Variants in UMODL1 observed in about 807,000 individuals in gnomAD.
The protein encoded by UMODL1 is uromodulin-like 1.
UMODL1 carries 128 observed loss-of-function variants against 136.3 expected under a neutral mutation model. The observed-to-expected ratio is 0.94, with a 90% CI of 0.81 to 1.09. The LOEUF is 1.09. Among genes scored for constraint, UMODL1 ranks in the 50% least tolerant of loss-of-function variants. The pLI is 0.00. For missense variants in UMODL1, 1,766 were observed against 1,725.6 expected (o/e 1.02, Z -0.41); for synonymous variants, 721 against 720.0 (o/e 1.00, Z -0.02).
intron 2 of UMODL1, among the ~76,000 whole-genome samples, chr21:42,077,933 G>T (rs220291): frequency 0.71 from 108,058 of 152,106 alleles, 39,188 homozygotes; most frequent in African/African-American, 0.83. Context: ...TAGACCTGCA[G>T]GCTGGGCCAT....
chr21:42,126,940 G>A, intron 18 of UMODL1, 66 bp from the exon 19 acceptor site: 1 of 1,290,642 alleles, frequency 7.7e-7, no homozygotes, highest in Non-Finnish European at 1.1e-6. Context: ...GGAGAAGTGG[G>A]AATGGGAGGG....
chr21:42,106,098 C>T (rs370220267), intron 9 of UMODL1, among the ~76,000 whole-genome samples: 4 of 152,152 alleles, frequency 2.6e-5, no homozygotes, highest in Non-Finnish European at 4.4e-5. Context: ...GTGATGGTGA[C>T]GCCTCAGGCC....
chr21:42,132,386 TCATC>T (rs552659405), intron 21 of UMODL1, among the ~76,000 whole-genome samples: 1 of 151,682 alleles, frequency 6.6e-6, no homozygotes, highest in Non-Finnish European at 1.5e-5. Context: ...CAACCATCCA[TCATC>T]CATCCATCCA....
At chr21:42,065,440 G>C (rs190288346) in intron 1 of UMODL1, among the ~76,000 whole-genome samples, 1 of 152,166 alleles carries the variant, frequency 6.6e-6, no homozygotes, top group East Asian at 1.9e-4. Flanking sequence ...GTCACGAAAT[G>C]CTGGTGCAGG....
At chr21:42,068,796 CTGTA>C (rs1269448650), upstream of UMODL1, among the ~76,000 whole-genome samples, 1 of 152,044 alleles carries the variant, frequency 6.6e-6, no homozygotes, top group African/African-American at 2.4e-5. This position sits in a 1 kb window ranked among gnomAD's most constrained non-coding sequence, Gnocchi z 5.5. Flanking sequence ...GTGAGTGTGT[CTGTA>C]TGTGTCGGTG....
intron 1 of UMODL1, among the ~76,000 whole-genome samples, chr21:42,072,998 C>T (rs1408857996): frequency 6.9e-6 from 1 of 145,978 alleles, no homozygotes; most frequent in Non-Finnish European, 1.5e-5. Context: ...CCGGGTTCCA[C>T]AGGAGATGAG....
At position 42,072,441 on chromosome 21, in the gene UMODL1, T is replaced by C. The variant is rs1024734538; in HGVS notation, c.76+1049T>C. Among the ~76,000 whole-genome samples the C allele has an allele frequency of 3.3e-5, 5 of 152,340 alleles. No homozygotes were observed. The South Asian group carries it at 6.2e-4, about 19-fold the overall frequency. ...GTGATTTGTGAAATGGATTTTCCCA[T>C]TGGAACAGGTAATGTGTAGACCCCA... is the stretch of plus-strand genomic sequence containing the variant. On this transcript the variant is annotated intron_variant, in intron 1 of 22. Coordinates refer to ENST00000408910, the MANE Select transcript of UMODL1 (RefSeq NM_001004416.3).
chr21:42,114,490 C>A (rs1194314070), intron 13 of UMODL1, among the ~76,000 whole-genome samples: 1 of 152,164 alleles, frequency 6.6e-6, no homozygotes, highest in African/African-American at 2.4e-5. Flanking sequence ...GCTTCCCAAG[C>A]GTTGATAGCA....
Position 42,126,590 on chromosome 21 carries a change from T to G in UMODL1, c.3293+100T>G, listed in dbSNP as rs971772820. On this transcript the variant is annotated intron_variant, in intron 18 of 22. Coordinates refer to ENST00000408910, the MANE Select transcript of UMODL1 (RefSeq NM_001004416.3). Reference sequence around the variant, plus strand: ...TGTCAACCACTTAAGGACCCTTCCTTGAGATGGAATATACAAATGGGTGTG... The same window carrying G: ...TGTCAACCACTTAAGGACCCTTCCTGGAGATGGAATATACAAATGGGTGTG... 4 of 1,541,572 alleles carry G rather than the reference T, an allele frequency of 2.6e-6. No homozygotes were observed. In the African/African-American group the frequency reaches 5.5e-5, roughly 21 times the overall value.
rs375464616 is a variant in UMODL1 at position 42,113,706 on chromosome 21, C to T, written c.2238C>T (p.Val746=). The T allele has an allele frequency of 1.2e-6, 2 of 1,614,086 alleles. No homozygotes were observed. The highest frequency in any genetic ancestry group is 8.5e-7 in the Non-Finnish European group (1 of 1,180,034). The change falls in exon 13 of 23, where the codon GTC becomes GTT. Residue 746 remains valine (V), a synonymous_variant. Coordinates refer to ENST00000408910, the MANE Select transcript of UMODL1 (RefSeq NM_001004416.3). ...CTTCCATGTGGAGCCCTGCTGTGGT[C>T]CTAGAGACCTGGAACACGAGTGTGA... ...TLTSMWSPAV[V]LETWNTSVTL...
rs2066595484 is a variant in UMODL1, at chr21:42,099,113, GT to G, written c.1120del (p.Tyr374ThrfsTer3). ...AVAGLEAGVL[Y>X]RVKTSYQGCG... ...TGGCTGGGCTGGAGGCTGGAGTGCT[GT>G]ACAGGGTGAAGACCAGCTACCAGGG... On this transcript the variant is annotated frameshift_variant, in exon 7 of 23. Coordinates refer to ENST00000408910, the MANE Select transcript of UMODL1 (RefSeq NM_001004416.3). LOFTEE classifies it high-confidence loss of function. The surrounding 1 kb of genome is among the most constrained non-coding windows in gnomAD (Gnocchi z 4.1). The G allele has an allele frequency of 6.2e-7, 1 of 1,614,088 alleles. No individual in the cohort carries two copies. The highest frequency in any genetic ancestry group is 8.5e-7 in the Non-Finnish European group (1 of 1,180,032).
intron 11 of UMODL1, 26 bp from the exon 12 acceptor site, chr21:42,111,480 A>T: frequency 6.2e-7 from 1 of 1,613,874 alleles, no homozygotes; most frequent in Non-Finnish European, 8.5e-7. Context: ...GGGGCCACAG[A>T]TGGCCCACTG....
At chr21:42,086,767 A>G in intron 4 of UMODL1, 2 of 394,598 alleles carry the variant, frequency 5.1e-6, no homozygotes, top group Admixed American at 2.8e-5. Context: ...GGAGTTAAAG[A>G]CCAGCCTGGC....
In UMODL1 at chr21:42,101,158, C is replaced by T. The variant is rs1314934663; in HGVS notation, c.1187-1008C>T. On this transcript the variant is annotated intron_variant, in intron 7 of 22. Coordinates refer to ENST00000408910, the MANE Select transcript of UMODL1 (RefSeq NM_001004416.3). ...TTGCTTTAAAGGCCTTGTCTAATTC[C>T]ACCTTGTCATGAGCCTGTGACACCG... Among the ~76,000 whole-genome samples the T allele has an allele frequency of 3.3e-5, 5 of 151,672 alleles. No individual in the cohort carries two copies. In the East Asian group the frequency reaches 7.8e-4, roughly 24 times the overall value.
At chr21:42,107,224 G>T (rs938419836) in intron 9 of UMODL1, among the ~76,000 whole-genome samples, 3 of 152,176 alleles carry the variant, frequency 2.0e-5, no homozygotes, top group African/African-American at 7.2e-5. Context: ...GTCATCACTG[G>T]GCTTCTATGA....
intron 6 of UMODL1, among the ~76,000 whole-genome samples, chr21:42,091,923 A>G (rs2066496536): frequency 6.6e-6 from 1 of 152,248 alleles, no homozygotes; most frequent in South Asian, 2.1e-4. Flanking sequence ...GAGAACCCCA[A>G]CAGTGCCAGG....
In UMODL1 at chr21:42,085,303, A is replaced by T; in HGVS notation, c.494A>T (p.Asp165Val). Residue 165 changes from aspartate (D) to valine (V), a missense_variant, in exon 4 of 23, where the codon GAC becomes GTC. Coordinates refer to ENST00000408910, the MANE Select transcript of UMODL1 (RefSeq NM_001004416.3). This position sits in a 1 kb window ranked among gnomAD's most constrained non-coding sequence, Gnocchi z 4.5. ...MAPAPQAPER[D>V]PVGSWYNVTI... Reference sequence around the variant, plus strand: ...TTCCCTTGTGTAGCTCCAGAGAGGGACCCTGTGGGCTCCTGGTACAACGTC... The same window carrying T: ...TTCCCTTGTGTAGCTCCAGAGAGGGTCCCTGTGGGCTCCTGGTACAACGTC... The T allele has an allele frequency of 6.2e-7, 1 of 1,613,826 alleles. No individual in the cohort carries two copies. Among genetic ancestry groups the T allele is most frequent in the Non-Finnish European group, 8.5e-7 (1 of 1,179,894 alleles).
chr21:42,108,264 A>T (rs542539332), intron 9 of UMODL1: 1 of 491,478 alleles, frequency 2.0e-6, no homozygotes, highest in East Asian at 6.4e-5. Context: ...CTAGGCTCCA[A>T]CCCCAACCCG....
intron 22 of UMODL1, among the ~76,000 whole-genome samples, chr21:42,138,980 C>A (rs1043205216): frequency 6.6e-6 from 1 of 152,080 alleles, no homozygotes; most frequent in African/African-American, 2.4e-5. Flanking sequence ...CCAGCCTGGG[C>A]AAGATAGAAA....
Sources: gnomAD v4.1 joint callset for allele counts (sites outside exome capture counted in the v4.1 genomes callset) on GRCh38, gnomAD v4.1.1 for gene constraint, Gnocchi (gnomAD v3.1) non-coding constraint, MANE v1.5 for transcripts, NCBI Gene and HGNC (gene_info 2026-07-23, HGNC 2026-07-21) for gene names.